Variants in ATL2 observed in about 807,000 individuals in gnomAD.
ATL2 encodes atlastin-2.
In ATL2, 31 loss-of-function variants were observed where a neutral mutation model predicts 73.9. The ratio of observed to expected loss-of-function variants is 0.42; its 90% CI spans 0.32 to 0.57. The LOEUF is 0.57. Among genes scored for constraint, ATL2 ranks in the 20% least tolerant of loss-of-function variants. The pLI is 0.14. For synonymous variants in ATL2, 291 were observed against 237.5 expected (o/e 1.23, Z -2.07); for missense variants, 738 against 702.6 (o/e 1.05, Z -0.57).
At position 38,309,362 on chromosome 2, in the gene ATL2, TTTA is replaced by T; in HGVS notation, c.1071+14_1071+16del. ...TACATTTCTATCTTAGACAAAACTGTTTAAGAGCTCACCTACCTTAAAATATTC... is the reference window on the plus strand; with the variant it reads ...TACATTTCTATCTTAGACAAAACTGTAGAGCTCACCTACCTTAAAATATTC... On this transcript the variant is annotated intron_variant, in intron 9 of 12. Coordinates refer to ENST00000378954, the MANE Select transcript of ATL2 (RefSeq NM_001135673.4). 2 of 1,593,574 alleles carry T rather than the reference TTTA, an allele frequency of 1.3e-6. No homozygotes were observed. The highest frequency in any genetic ancestry group is 1.7e-6 in the Non-Finnish European group (2 of 1,175,624).
At chr2:38,324,113 T>C (rs1431565403) in intron 2 of ATL2, among the ~76,000 whole-genome samples, 2 of 152,040 alleles carry the variant, frequency 1.3e-5, no homozygotes, top group Admixed American at 1.3e-4. Flanking sequence ...CAGTCTCTAC[T>C]AAAAATACAA....
chr2:38,353,790 G>A (rs1223720232), intron 1 of ATL2, among the ~76,000 whole-genome samples: 1 of 152,226 alleles, frequency 6.6e-6, no homozygotes, highest in African/African-American at 2.4e-5. Context: ...CTGGAGGCCA[G>A]AAGACAAGGG....
rs1415183230 is a variant in ATL2, at chr2:38,334,309, C to A, written c.363+8959G>T. On this transcript the variant is annotated intron_variant, in intron 2 of 12. Transcript: ENST00000378954. The stretch of plus-strand genomic sequence containing the variant: ...CCTCCTAAAGTGCTGGGATTACAGG[C>A]ATGAGCCACCGAGCCCAGCCCAATC... Among the ~76,000 whole-genome samples, 7 of 151,136 alleles carry A rather than the reference C, an allele frequency of 4.6e-5. 1 individual carries two copies. The East Asian group carries it at 1.4e-3, about 30-fold the overall frequency.
intron 1 of ATL2, among the ~76,000 whole-genome samples, chr2:38,360,775 G>A (rs1180305708): frequency 6.6e-6 from 1 of 152,088 alleles, no homozygotes; most frequent in Non-Finnish European, 1.5e-5. Flanking sequence ...TTGTTATGTG[G>A]ACCAGATTTT....
chr2:38,303,773 A>G (rs959288211), intron 9 of ATL2, among the ~76,000 whole-genome samples: 1 of 152,206 alleles, frequency 6.6e-6, no homozygotes, highest in Non-Finnish European at 1.5e-5. Context: ...AACACCAAGC[A>G]GACTTGACCC....
At chr2:38,311,302 T>C (rs905323385) in intron 7 of ATL2, among the ~76,000 whole-genome samples, 1 of 152,012 alleles carries the variant, frequency 6.6e-6, no homozygotes, top group African/African-American at 2.4e-5. Flanking sequence ...GAAGGGAAAC[T>C]GCCATGTATT....
intron 4 of ATL2, chr2:38,318,252 C>G (rs1210886102): frequency 4.2e-6 from 1 of 239,470 alleles, no homozygotes; most frequent in Admixed American, 5.4e-5. Context: ...CCGAGGTGGG[C>G]GGGTCACCTG....
At chr2:38,357,892 C>T (rs953541697) in intron 1 of ATL2, among the ~76,000 whole-genome samples, 4 of 152,088 alleles carry the variant, frequency 2.6e-5, no homozygotes, top group Non-Finnish European at 4.4e-5. Context: ...GCCCAATTTA[C>T]TCATTTTAAA....
intron 1 of ATL2, among the ~76,000 whole-genome samples, chr2:38,352,784 G>C (rs1163693655): frequency 4.6e-5 from 7 of 152,226 alleles, no homozygotes; most frequent in African/African-American, 1.2e-4. Context: ...TCAAGTTCTA[G>C]AGTAAGGCCT....
intron 4 of ATL2, 95 bp from the exon 5 acceptor site, chr2:38,315,429 T>C: frequency 7.7e-7 from 1 of 1,300,572 alleles, no homozygotes; most frequent in Non-Finnish European, 1.0e-6. Context: ...GGTTATTTTG[T>C]ATCTCAGCGC....
At chr2:38,367,336 G>A (rs909294683) in intron 1 of ATL2, among the ~76,000 whole-genome samples, 6 of 151,772 alleles carry the variant, frequency 4.0e-5, no homozygotes, top group Admixed American at 3.9e-4. Context: ...GGGCGCGGTG[G>A]CTCATGCCTA....
chr2:38,315,257 ATAAAAAT>A lies in ATL2; in HGVS notation c.654+20_654+26del. The A allele has an allele frequency of 6.8e-7, 1 of 1,469,066 alleles. No individual in the cohort carries two copies. Among genetic ancestry groups the A allele is most frequent in the East Asian group, 2.8e-5 (1 of 36,114 alleles). The allele number at this position is 1,469,066 out of a possible 1,614,324, so 91.0% of individuals were successfully genotyped here. A position where few individuals can be genotyped will look rare whatever the true frequency, so the allele number is the denominator to read the frequency against. On this transcript the variant is annotated intron_variant, in intron 5 of 12. Transcript: ENST00000378954. ...CAAGAGCGAAACTCCATCTCAAAAAATAAAAATTAAAAAAAGAAATACGTACTTGCAA... is the reference window on the plus strand; with the variant it reads ...CAAGAGCGAAACTCCATCTCAAAAAATAAAAAAAGAAATACGTACTTGCAA...
At chr2:38,321,497 A>G (rs1668320171) in intron 2 of ATL2, among the ~76,000 whole-genome samples, 1 of 152,152 alleles carries the variant, frequency 6.6e-6, no homozygotes, top group South Asian at 2.1e-4. Context: ...CCGGACAAGT[A>G]AAACTGGTGA....
chr2:38,366,799 A>G (rs1040839314), intron 1 of ATL2, among the ~76,000 whole-genome samples: 7 of 152,238 alleles, frequency 4.6e-5, no homozygotes, highest in African/African-American at 1.7e-4. Context: ...TTTATAAGGT[A>G]GGTACACAGT....
intron 4 of ATL2, among the ~76,000 whole-genome samples, chr2:38,317,191 G>C (rs1047714090): frequency 2.0e-5 from 3 of 151,974 alleles, no homozygotes; most frequent in Admixed American, 1.3e-4. Flanking sequence ...CATCACCTAT[G>C]ATCTACCATT....
At chr2:38,353,697 T>C (rs1439590595) in intron 1 of ATL2, among the ~76,000 whole-genome samples, 4 of 152,214 alleles carry the variant, frequency 2.6e-5, no homozygotes, top group Non-Finnish European at 5.9e-5. Flanking sequence ...CAAGTAATTA[T>C]TGTATAGTTA....
At chr2:38,321,571 C>A (rs1668324638) in intron 2 of ATL2, among the ~76,000 whole-genome samples, 2 of 152,174 alleles carry the variant, frequency 1.3e-5, no homozygotes, top group African/African-American at 4.8e-5. Flanking sequence ...CTGCTCTATC[C>A]TCTAACCCAT....
intron 6 of ATL2, among the ~76,000 whole-genome samples, chr2:38,313,650 G>A (rs945126122): frequency 1.3e-5 from 2 of 152,152 alleles, no homozygotes; most frequent in Admixed American, 6.5e-5. Flanking sequence ...ACTCACAGAG[G>A]ATGTTTTTAC....
chr2:38,372,507 C>T (rs1256565044), intron 1 of ATL2, among the ~76,000 whole-genome samples: 1 of 152,092 alleles, frequency 6.6e-6, no homozygotes, highest in African/African-American at 2.4e-5. Context: ...CCCATGGATA[C>T]CAAGGGACAA....
Sources: allele counts gnomAD v4.1 joint callset (sites outside exome capture counted in the v4.1 genomes callset), GRCh38; gene constraint gnomAD v4.1.1; transcripts MANE v1.5; gene names NCBI Gene and HGNC (gene_info 2026-07-23, HGNC 2026-07-21).